Variants in PDE4B observed in about 807,000 individuals in gnomAD.
PDE4B encodes phosphodiesterase 4B.
PDE4B carries 20 observed loss-of-function variants against 82.2 expected under a neutral mutation model. That is an observed-to-expected ratio of 0.24 (90% confidence interval 0.17 to 0.35). The LOEUF (loss-of-function observed/expected upper bound fraction) is 0.35, where lower values mean the gene tolerates loss of function less well. Ranked by LOEUF, PDE4B falls within the 10% of genes least tolerant of loss-of-function variation. The probability of loss-of-function intolerance (pLI) is 1.00; values close to 1 mark genes in which losing one functional copy is unlikely to be tolerated. For synonymous variants in PDE4B, 320 were observed against 318.9 expected (o/e 1.00, Z -0.04); for missense variants, 655 against 907.2 (o/e 0.72, Z 3.57).
chr1:65,804,018 T>C (rs1288460005), intron 1 of PDE4B, among the ~76,000 whole-genome samples: 2 of 152,214 alleles, frequency 1.3e-5, no homozygotes, highest in Non-Finnish European at 2.9e-5. Flanking sequence ...CTTAATTGTG[T>C]AACTGGGAAA....
At chr1:66,185,841 T>G (rs1032143885) in intron 3 of PDE4B, among the ~76,000 whole-genome samples, 41 of 152,120 alleles carry the variant, frequency 2.7e-4, no homozygotes, top group Non-Finnish European at 4.7e-4. Context: ...TTAGTTTAAT[T>G]AGATCCCATT....
At chr1:66,272,235 A>T (rs1655544722) in intron 7 of PDE4B, among the ~76,000 whole-genome samples, 1 of 152,208 alleles carries the variant, frequency 6.6e-6, no homozygotes, top group South Asian at 2.1e-4. Context: ...ATTTACCTGC[A>T]CAGCCCCAGG....
intron 3 of PDE4B, among the ~76,000 whole-genome samples, chr1:66,085,551 G>A (rs182758017): frequency 2.8e-4 from 42 of 152,180 alleles, no homozygotes; most frequent in East Asian, 1.9e-3. Context: ...CACACCCTGC[G>A]TTTACCTTCA....
intron 3 of PDE4B, among the ~76,000 whole-genome samples, chr1:66,140,348 A>C (rs1646147013): frequency 6.6e-6 from 1 of 152,200 alleles, no homozygotes; most frequent in Non-Finnish European, 1.5e-5. Flanking sequence ...TAAAGTAAAG[A>C]ACCAGGAAAC....
At chr1:66,169,590 G>A (rs1434157215) in intron 3 of PDE4B, among the ~76,000 whole-genome samples, 3 of 152,170 alleles carry the variant, frequency 2.0e-5, no homozygotes, top group Non-Finnish European at 2.9e-5. Context: ...GCTAAACAAC[G>A]CAGAACGAGT....
intron 16 of PDE4B, among the ~76,000 whole-genome samples, chr1:66,371,334 C>T (rs2050775489): frequency 6.6e-6 from 1 of 150,864 alleles, no homozygotes; most frequent in Non-Finnish European, 1.5e-5. Context: ...TCTGTAGCTC[C>T]CCAGACCATG....
At chr1:66,234,599 T>G (rs146338799) in intron 3 of PDE4B, among the ~76,000 whole-genome samples, 79 of 152,298 alleles carry the variant, frequency 5.2e-4, no homozygotes, top group Non-Finnish European at 1.1e-3. Flanking sequence ...TGGTATAATT[T>G]TTTTTATGAT....
At chr1:66,065,941 G>A (rs1655824245) in intron 3 of PDE4B, among the ~76,000 whole-genome samples, 1 of 151,614 alleles carries the variant, frequency 6.6e-6, no homozygotes, top group South Asian at 2.1e-4. Flanking sequence ...AGTACAAAAA[G>A]GCTTAGTGGT....
chr1:66,221,121 G>T (rs1650949519), intron 3 of PDE4B, among the ~76,000 whole-genome samples: 1 of 152,040 alleles, frequency 6.6e-6, no homozygotes, highest in African/African-American at 2.4e-5. Context: ...CTAGAAATAG[G>T]CAAGAACCAA....
At chr1:65,841,130 C>G (rs755921297) in intron 1 of PDE4B, among the ~76,000 whole-genome samples, 2 of 152,062 alleles carry the variant, frequency 1.3e-5, no homozygotes, top group Non-Finnish European at 2.9e-5. Context: ...AATCCCATCT[C>G]TACTGAAAAT....
intron 1 of PDE4B, among the ~76,000 whole-genome samples, chr1:65,907,911 T>C (rs12752975): frequency 0.17 from 26,140 of 152,110 alleles, 2,458 homozygotes; most frequent in Middle Eastern, 0.3. Flanking sequence ...TCAAACTATT[T>C]CACGTTCTGT....
At chr1:65,957,181 G>T (rs1187882155) in intron 3 of PDE4B, among the ~76,000 whole-genome samples, 1 of 150,268 alleles carries the variant, frequency 6.7e-6, no homozygotes. Context: ...GCTTCTTGGT[G>T]GATAACATTC....
chr1:65,896,378 T>A (rs1263136298), intron 1 of PDE4B, among the ~76,000 whole-genome samples: 2 of 152,110 alleles, frequency 1.3e-5, no homozygotes, highest in African/African-American at 4.8e-5. Context: ...CCCACCCCCA[T>A]GACTCAATTG....
At chr1:65,870,858 G>A (rs375055829) in intron 1 of PDE4B, among the ~76,000 whole-genome samples, 1 of 152,174 alleles carries the variant, frequency 6.6e-6, no homozygotes, top group African/African-American at 2.4e-5. Context: ...ACTTAGGTAG[G>A]TCCAGGTAAT....
intron 7 of PDE4B, among the ~76,000 whole-genome samples, chr1:66,270,351 C>T (rs1254751746): frequency 1.3e-5 from 2 of 152,178 alleles, no homozygotes; most frequent in Admixed American, 6.5e-5. Context: ...CATACAGGTT[C>T]TGCCCATAGC....
At chr1:65,925,454 A>T (rs1368239095) in intron 3 of PDE4B, among the ~76,000 whole-genome samples, 3 of 152,198 alleles carry the variant, frequency 2.0e-5, no homozygotes, top group Admixed American at 1.3e-4. Context: ...ACAACCACAA[A>T]ACCAGGAACA....
At chr1:66,291,600 C>G (rs1174464770) in intron 7 of PDE4B, among the ~76,000 whole-genome samples, 1 of 152,120 alleles carries the variant, frequency 6.6e-6, no homozygotes, top group Non-Finnish European at 1.5e-5. Flanking sequence ...AAGCAAACAT[C>G]CTGTTACAGA....
At chr1:65,815,058 TTTATTTATTA>T (rs1645866168) in intron 1 of PDE4B, among the ~76,000 whole-genome samples, 1 of 127,964 alleles carries the variant, frequency 7.8e-6, no homozygotes, top group African/African-American at 3.0e-5. Context: ...TATTTATTTA[TTTATTTATTA>T]TTATTATACT....
At chr1:66,014,920 C>G (rs1250046348) in intron 3 of PDE4B, among the ~76,000 whole-genome samples, 1 of 152,108 alleles carries the variant, frequency 6.6e-6, no homozygotes, top group Non-Finnish European at 1.5e-5. Flanking sequence ...TAGGGAAGTA[C>G]AGGTTATGTT....
Sources: allele counts gnomAD v4.1 joint callset (sites outside exome capture counted in the v4.1 genomes callset), GRCh38; gene constraint gnomAD v4.1.1; transcripts MANE v1.5; gene names NCBI Gene and HGNC (gene_info 2026-07-23, HGNC 2026-07-21).